TBC1D22A: variants seen among roughly 807,000 people sequenced by gnomAD.
TBC1D22A encodes TBC1 domain family member 22A.
TBC1D22A carries 38 observed loss-of-function variants against 60.2 expected under a neutral mutation model. The observed-to-expected ratio is 0.63, with a 90% CI of 0.49 to 0.83. The LOEUF (loss-of-function observed/expected upper bound fraction) is 0.83. TBC1D22A is among the 40% of genes least tolerant of loss of function. TBC1D22A has a pLI of 0.00. For synonymous variants in TBC1D22A, 302 were observed against 281.7 expected, an observed-to-expected ratio of 1.07 and a Z score of -0.72; for missense variants, 628 against 701.0, an observed-to-expected ratio of 0.90 and a Z score of 1.18.
At chr22:47,000,375 G>T (rs748230991) in intron 10 of TBC1D22A, among the ~76,000 whole-genome samples, 2 of 152,204 alleles carry the variant, frequency 1.3e-5, no homozygotes, top group African/African-American at 2.4e-5. Flanking sequence ...GTGGTAAGGA[G>T]TTGTGAAAGA....
chr22:46,871,007 G>A (rs2067270697), intron 4 of TBC1D22A, among the ~76,000 whole-genome samples: 1 of 152,172 alleles, frequency 6.6e-6, no homozygotes, highest in Non-Finnish European at 1.5e-5. Context: ...AAGACAGGCA[G>A]TTGAAATAAA....
At chr22:47,062,515 G>A (rs2063614693) in intron 11 of TBC1D22A, among the ~76,000 whole-genome samples, 1 of 152,196 alleles carries the variant, frequency 6.6e-6, no homozygotes, top group Admixed American at 6.5e-5. Flanking sequence ...GGTGCATGGT[G>A]GTTCCTCTAG....
chr22:47,170,767 C>T (rs1192404232), intron 12 of TBC1D22A, among the ~76,000 whole-genome samples: 4 of 126,556 alleles, frequency 3.2e-5, no homozygotes, highest in Non-Finnish European at 6.3e-5. Context: ...GATGCAGGAC[C>T]GGAGAGAGGA....
At chr22:47,111,761 A>T (rs1252604898) in intron 12 of TBC1D22A, among the ~76,000 whole-genome samples, 158 bp downstream of exon 12, 4 of 152,180 alleles carry the variant, frequency 2.6e-5, no homozygotes, top group African/African-American at 7.2e-5. Flanking sequence ...CGTCCAGCTG[A>T]GGAGATGAGC....
intron 8 of TBC1D22A, among the ~76,000 whole-genome samples, chr22:46,931,852 G>A (rs1398214485): frequency 6.6e-6 from 1 of 152,194 alleles, no homozygotes; most frequent in African/African-American, 2.4e-5. Flanking sequence ...TGCATGTTAT[G>A]CATAATTTTT....
intron 12 of TBC1D22A, among the ~76,000 whole-genome samples, chr22:47,165,076 A>T (rs1601737047): frequency 1.3e-5 from 2 of 152,234 alleles, no homozygotes; most frequent in South Asian, 4.2e-4. Context: ...GGTGGAGTCC[A>T]GGCATGGCAG....
chr22:47,167,928 C>G (rs1176897442), intron 12 of TBC1D22A, among the ~76,000 whole-genome samples: 1 of 152,172 alleles, frequency 6.6e-6, no homozygotes, highest in East Asian at 1.9e-4. Flanking sequence ...GGGGACCCAT[C>G]CCTGTCTGTC....
chr22:46,980,020 G>A (rs561928811), intron 9 of TBC1D22A, among the ~76,000 whole-genome samples: 4 of 152,110 alleles, frequency 2.6e-5, no homozygotes, highest in East Asian at 3.9e-4. Context: ...GGAGTGCGCC[G>A]GGAATAAATG....
intron 8 of TBC1D22A, among the ~76,000 whole-genome samples, chr22:46,930,109 C>G (rs747628279): frequency 3.3e-5 from 5 of 152,102 alleles, no homozygotes; most frequent in Admixed American, 6.6e-5. Flanking sequence ...AAGGTCAGCC[C>G]TTTCTTTGGC....
intron 1 of TBC1D22A, among the ~76,000 whole-genome samples, chr22:46,778,436 TTC>T (rs1447169406): frequency 2.6e-5 from 4 of 152,194 alleles, no homozygotes; most frequent in Non-Finnish European, 5.9e-5. Flanking sequence ...GTAAGCTTTT[TTC>T]TCTTTTTAAA....
chr22:47,053,281 C>T (rs1230832208), intron 11 of TBC1D22A, among the ~76,000 whole-genome samples: 1 of 152,200 alleles, frequency 6.6e-6, no homozygotes, highest in East Asian at 1.9e-4. Context: ...GTGGGGTGGA[C>T]GTGTCTTTGT....
chr22:46,806,865 G>C (rs2085164929), intron 4 of TBC1D22A, among the ~76,000 whole-genome samples: 1 of 152,210 alleles, frequency 6.6e-6, no homozygotes, highest in South Asian at 2.1e-4. Flanking sequence ...AGTCAGACCT[G>C]AGTAGCTACA....
At chr22:46,817,102 A>G (rs2085634048) in intron 4 of TBC1D22A, among the ~76,000 whole-genome samples, 1 of 152,188 alleles carries the variant, frequency 6.6e-6, no homozygotes. Flanking sequence ...AGTCAATCGT[A>G]TCTCAAGAGA....
rs1256474231 is a variant in TBC1D22A at position 46,767,580 on chromosome 22, T to C, written c.62+4732T>C. 2.6e-5 allele frequency among the ~76,000 whole-genome samples: 4 copies of C among 152,110 alleles called. No homozygotes were observed. In the South Asian group the frequency reaches 8.3e-4, roughly 32 times the overall value. Reference sequence around the variant, plus strand: ...GTGCAGTGGGAGAGCCGGGTATAAATAACATAGCTCAGTTAAATGGAGTTA... The same window carrying C: ...GTGCAGTGGGAGAGCCGGGTATAAACAACATAGCTCAGTTAAATGGAGTTA... On this transcript the variant is annotated intron_variant, in intron 1 of 12. Coordinates refer to ENST00000337137, the MANE Select transcript of TBC1D22A (RefSeq NM_014346.5).
chr22:47,108,386 G>A (rs5767499), intron 11 of TBC1D22A, among the ~76,000 whole-genome samples: 56,670 of 152,104 alleles, frequency 0.37, 10,745 homozygotes, highest in South Asian at 0.51. Context: ...TGATCTATTC[G>A]TCCGTGCAGT....
chr22:46,940,078 C>G (rs78159224), intron 8 of TBC1D22A, among the ~76,000 whole-genome samples: 1 of 152,158 alleles, frequency 6.6e-6, no homozygotes, highest in East Asian at 1.9e-4. Flanking sequence ...TTTCCCAGTC[C>G]ATATAAAAGT....
At chr22:47,042,610 C>G (rs1470320189) in intron 11 of TBC1D22A, among the ~76,000 whole-genome samples, 5 of 152,194 alleles carry the variant, frequency 3.3e-5, no homozygotes, top group African/African-American at 1.2e-4. Context: ...TTCCAGGACA[C>G]CAGTCGTGCC....
intron 11 of TBC1D22A, among the ~76,000 whole-genome samples, chr22:47,090,618 G>A (rs996388865): frequency 1.2e-4 from 19 of 152,228 alleles, no homozygotes; most frequent in African/African-American, 1.4e-4. Flanking sequence ...CTTCCTCAGC[G>A]TCCCCTTCGT....
At position 47,009,906 on chromosome 22, in the gene TBC1D22A, G is replaced by A. The variant is rs181238906; in HGVS notation, c.1201+12197G>A. Among the ~76,000 whole-genome samples the A allele has an allele frequency of 1.3e-5, 2 of 152,382 alleles. No individual in the cohort carries two copies. Among genetic ancestry groups the A allele is most frequent in the Non-Finnish European group, 2.9e-5 (2 of 68,048 alleles). On this transcript the variant is annotated intron_variant, in intron 10 of 12. Transcript: ENST00000337137. This position sits in a 1 kb window ranked among gnomAD's most constrained non-coding sequence, Gnocchi z 5.8. The stretch of plus-strand genomic sequence containing the variant: ...GCCTCTTCTGTCCAGCCCCCAGGGA[G>A]GTTGGTTGGAGTGGAAGACACTGGC...
Sources: allele counts gnomAD v4.1 joint callset (sites outside exome capture counted in the v4.1 genomes callset), GRCh38; gene constraint gnomAD v4.1.1; non-coding constraint Gnocchi (gnomAD v3.1); transcripts MANE v1.5; gene names NCBI Gene and HGNC (gene_info 2026-07-23, HGNC 2026-07-21).